Variants in PDC observed in about 807,000 individuals in gnomAD.
The protein encoded by PDC is 33 kDa phototransducing protein.
PDC carries 19 observed loss-of-function variants against 22.2 expected under a neutral mutation model. The observed-to-expected ratio is 0.86, with a 90% CI of 0.60 to 1.26. PDC has a LOEUF of 1.26. PDC is among the 50% of genes most tolerant of loss of function. The pLI is 0.00. For missense variants in PDC, 274 were observed against 286.8 expected (o/e 0.96, Z 0.32); for synonymous variants, 97 against 96.2 (o/e 1.01, Z -0.05).
In PDC at chr1:186,444,137, C is replaced by T; in HGVS notation, c.583G>A (p.Gly195Arg). 6.2e-7 allele frequency: 1 copy of T among 1,614,004 alleles called. No individual in the cohort carries two copies. The highest frequency in any genetic ancestry group is 8.5e-7 in the Non-Finnish European group (1 of 1,179,930). Residue 195 changes from glycine to arginine, a missense_variant, in exon 4 of 4, where the codon GGG (glycine) becomes AGG (arginine). Transcript: ENST00000391997. ...VLPTLLIYKG[G>R]ELISNFISVA... ...CTAATAAAATTGCTTATGAGTTCCCCACCTTTATAGATGAGCAGTGTAGGA... is the reference window on the plus strand; with the variant it reads ...CTAATAAAATTGCTTATGAGTTCCCTACCTTTATAGATGAGCAGTGTAGGA...
chr1:186,460,577 C>G (rs1409519849), intron 1 of PDC, among the ~76,000 whole-genome samples: 5 of 152,146 alleles, frequency 3.3e-5, no homozygotes, highest in Non-Finnish European at 7.4e-5. Context: ...AGGAAAACAA[C>G]ATAGTATACA....
intron 1 of PDC, among the ~76,000 whole-genome samples, chr1:186,455,971 C>CAAAAA (rs1213649798): frequency 0.018 from 154 of 8,648 alleles, 33 homozygotes; most frequent in Non-Finnish European, 0.026. Context: ...GACTCCGTCT[C>CAAAAA]AAAAAAAAAA....
chr1:186,443,757 C>T lies in PDC; in HGVS notation c.*222G>A. On this transcript the variant is annotated 3_prime_UTR_variant, in exon 4 of 4. Coordinates refer to ENST00000391997, the MANE Select transcript of PDC (RefSeq NM_002597.5). ...ATATTATCCACATCCTCTTTGTCTACTAATAATGTTGCTGAAGACAGCTCT... is the reference window on the plus strand; with the variant it reads ...ATATTATCCACATCCTCTTTGTCTATTAATAATGTTGCTGAAGACAGCTCT... The T allele has an allele frequency of 2.1e-6, 1 of 476,862 alleles. No homozygotes were observed. Among genetic ancestry groups the T allele is most frequent in the South Asian group, 4.0e-5 (1 of 24,716 alleles). The allele number at this position is 476,862 out of a possible 1,614,324, so 29.5% of individuals were successfully genotyped here. A position where few individuals can be genotyped will look rare whatever the true frequency, so the allele number is the denominator to read the frequency against.
intron 1 of PDC, among the ~76,000 whole-genome samples, chr1:186,455,599 G>T (rs1294541002): frequency 1.3e-5 from 2 of 151,070 alleles, no homozygotes; most frequent in Non-Finnish European, 2.9e-5. Flanking sequence ...CATTTTTTTT[G>T]ACTATTCACT....
rs182153577 is a variant in PDC, at chr1:186,445,227, G to C, written c.214-721C>G. On this transcript the variant is annotated intron_variant, in intron 3 of 3. Transcript: ENST00000391997. Reference sequence around the variant, plus strand: ...ACAATGGGGCATAGTGTGATTAATAGATGTGGAGCAGCTCAGAACCATGGA... The same window carrying C: ...ACAATGGGGCATAGTGTGATTAATACATGTGGAGCAGCTCAGAACCATGGA... Among the ~76,000 whole-genome samples, 532 of 152,270 alleles carry C rather than the reference G, an allele frequency of 3.5e-3. 2 individuals carry two copies. Among genetic ancestry groups the C allele is most frequent in the Non-Finnish European group, 5.9e-3 (403 of 68,014 alleles).
chr1:186,446,498 C>T lies in PDC; in HGVS notation c.141G>A (p.Lys47=). 1 of 1,606,218 alleles carries T rather than the reference C, an allele frequency of 6.2e-7. No homozygotes were observed. The highest frequency in any genetic ancestry group is 1.1e-5 in the South Asian group (1 of 90,426). The change falls in exon 3 of 4, where the codon AAG becomes AAA. Residue 47 remains lysine, a synonymous_variant. Coordinates refer to ENST00000391997, the MANE Select transcript of PDC (RefSeq NM_002597.5). ...QDSDSIPPSK[K]EILRQMSSPQ... Reference sequence around the variant, plus strand: ...GAGAAGACATTTGCCTGAGAATCTCCTTCTTGCTAGGTGGAATTGAATCAC... The same window carrying T: ...GAGAAGACATTTGCCTGAGAATCTCTTTCTTGCTAGGTGGAATTGAATCAC...
At chr1:186,458,193 T>TATCCAAG (rs1662506682) in intron 1 of PDC, among the ~76,000 whole-genome samples, 1 of 146,672 alleles carries the variant, frequency 6.8e-6, no homozygotes, top group African/African-American at 2.5e-5. Flanking sequence ...GACATCCACC[T>TATCCAAG]ATCCAAGTTT....
intron 1 of PDC, among the ~76,000 whole-genome samples, chr1:186,455,638 TCCTGGGATG>T (rs1662442853): frequency 6.6e-6 from 1 of 151,264 alleles, no homozygotes; most frequent in South Asian, 2.1e-4. Flanking sequence ...GGACCCCCAA[TCCTGGGATG>T]CCACAGAAGA....
chr1:186,449,619 C>A, intron 1 of PDC, 136 bp from the exon 2 acceptor site: 1 of 462,552 alleles, frequency 2.2e-6, no homozygotes, highest in Non-Finnish European at 3.9e-6. Context: ...TAAGGATAAT[C>A]ACTCAGTGGT....
At position 186,449,450 on chromosome 1, in the gene PDC, C is replaced by T; in HGVS notation, c.10G>A (p.Ala4Thr). Reference protein sequence around the residue: MEEAKSQSLEEDFE... With the variant: MEETKSQSLEEDFE... ...TCTTCCTCCAAACTTTGGCTTTTGG[C>T]TTCTTCCATTTTAGGGACTGGATTT... is the stretch of plus-strand genomic sequence containing the variant. Residue 4 changes from alanine (A) to threonine (T), a missense_variant, in exon 2 of 4, where the codon GCC becomes ACC. Physicochemically the swap from Ala to Thr is moderately conservative, Grantham distance 58. Transcript: ENST00000391997. The T allele has an allele frequency of 1.2e-6, 2 of 1,603,200 alleles. No individual in the cohort carries two copies. The highest frequency in any genetic ancestry group is 1.7e-6 in the Non-Finnish European group (2 of 1,171,566).
At chr1:186,453,994 A>T (rs1404706767) in intron 1 of PDC, among the ~76,000 whole-genome samples, 1 of 152,004 alleles carries the variant, frequency 6.6e-6, no homozygotes, top group Non-Finnish European at 1.5e-5. Context: ...AGCCGACCTA[A>T]TTTTTTTGTA....
intron 3 of PDC, 151 bp from the exon 4 acceptor site, chr1:186,444,657 C>G: frequency 1.7e-6 from 1 of 595,824 alleles, no homozygotes; most frequent in Admixed American, 3.1e-5. Flanking sequence ...TTCTCTTTCA[C>G]CTCATTGAAG....
At chr1:186,459,822 A>G (rs2102141673) in intron 1 of PDC, among the ~76,000 whole-genome samples, 1 of 145,332 alleles carries the variant, frequency 6.9e-6, no homozygotes, top group Non-Finnish European at 1.5e-5. Flanking sequence ...TTTGCAGTTA[A>G]TAAAAATACT....
At chr1:186,458,394 A>T (rs561342143) in intron 1 of PDC, among the ~76,000 whole-genome samples, 46 of 151,058 alleles carry the variant, frequency 3.0e-4, no homozygotes, top group Admixed American at 2.5e-3. Flanking sequence ...TTTGAATATT[A>T]GACCTTGCTT....
At chr1:186,445,987 A>G (rs1229360480) in intron 3 of PDC, among the ~76,000 whole-genome samples, 1 of 152,226 alleles carries the variant, frequency 6.6e-6, no homozygotes, top group East Asian at 1.9e-4. Context: ...ATTCAGGCAT[A>G]TGGATATGTA....
Position 186,444,581 on chromosome 1 carries a change from C to T in PDC, c.214-75G>A, listed in dbSNP as rs544591417. The T allele has an allele frequency of 1.5e-4, 143 of 967,696 alleles. No individual in the cohort carries two copies. The African/African-American group carries it at 2.0e-3, about 13-fold the overall frequency. The allele number at this position is 967,696 out of a possible 1,614,324, so 59.9% of individuals were successfully genotyped here. A position where few individuals can be genotyped will look rare whatever the true frequency, so the allele number is the denominator to read the frequency against. On this transcript the variant is annotated intron_variant, in intron 3 of 3. Transcript: ENST00000391997. ...TAGATATACCAAGCCCATTCTCAAC[C>T]GAAGGAGTGTACTTTTGCTCTTTTT... is the stretch of plus-strand genomic sequence containing the variant.
chr1:186,450,252 C>T (rs1423406666), intron 1 of PDC, among the ~76,000 whole-genome samples: 1 of 152,114 alleles, frequency 6.6e-6, no homozygotes, highest in East Asian at 1.9e-4. Context: ...TAGCATCTCT[C>T]CATACCATGG....
At chr1:186,455,691 G>A (rs1179161384) in intron 1 of PDC, among the ~76,000 whole-genome samples, 1 of 151,026 alleles carries the variant, frequency 6.6e-6, no homozygotes, top group African/African-American at 2.4e-5. Flanking sequence ...GCCGGGCGCA[G>A]TGGCTCACTC....
At chr1:186,456,672 A>G (rs1662479028) in intron 1 of PDC, among the ~76,000 whole-genome samples, 1 of 152,188 alleles carries the variant, frequency 6.6e-6, no homozygotes. Flanking sequence ...TTTCGTTTAC[A>G]TGAGAGCATA....
Sources: gnomAD v4.1 joint callset for allele counts (sites outside exome capture counted in the v4.1 genomes callset) on GRCh38, gnomAD v4.1.1 for gene constraint, MANE v1.5 for transcripts, NCBI Gene and HGNC (gene_info 2026-07-23, HGNC 2026-07-21) for gene names.